The following ADGRG1 variants were observed in gnomAD, a reference collection of about 807,000 sequenced individuals.
ADGRG1 encodes 7-transmembrane protein with no EGF-like N-terminal domains-1.
In ADGRG1, 53 loss-of-function variants were observed where a neutral mutation model predicts 73.5. That is an observed-to-expected ratio of 0.72 (90% CI 0.58 to 0.91). ADGRG1 has a LOEUF of 0.91. Among genes scored for constraint, ADGRG1 ranks in the 40% least tolerant of loss-of-function variants. The pLI is 0.00. For missense variants in ADGRG1, 795 were observed against 871.8 expected (o/e 0.91, Z 1.11); for synonymous variants, 394 against 374.4 (o/e 1.05, Z -0.60).
chr16:57,652,112 G>A (rs934849807), intron 3 of ADGRG1: 24 of 1,045,308 alleles, frequency 2.3e-5, no homozygotes, highest in Non-Finnish European at 2.8e-5. Context: ...TTTGAACCCA[G>A]CAGCTGATTG....
At chr16:57,624,355 G>C (rs2035433792), upstream of ADGRG1, 1 of 157,874 alleles carries the variant, frequency 6.3e-6, no homozygotes, top group Admixed American at 6.5e-5. Flanking sequence ...ACAAAAGTTA[G>C]CCTGGTGTGG....
At chr16:57,643,638 C>G in intron 1 of ADGRG1, 2 of 984,706 alleles carry the variant, frequency 2.0e-6, no homozygotes, top group Middle Eastern at 5.2e-4. Context: ...GGCCTGGGCA[C>G]CTGCCAGCCT....
At position 57,656,244 on chromosome 16, in the gene ADGRG1, T is replaced by A. The variant is rs121908463; in HGVS notation, c.1036T>A (p.Cys346Ser). 6.2e-7 allele frequency: 1 copy of A among 1,607,204 alleles called. No individual in the cohort carries two copies. The highest frequency in any genetic ancestry group is 1.7e-4 in the Middle Eastern group (1 of 6,038). The change falls in exon 8 of 14, where the codon TGT becomes AGT. Residue 346 changes from cysteine (C) to serine (S), a missense_variant. Transcript: ENST00000562631. ...QLQPKNVTLQ[C>S]VFWVEDPTLS... ...CCTACAGAAGAATGTGACTCTGCAA[T>A]GTGTGTTCTGGGTTGAAGACCCCAC...
chr16:57,650,667 A>G (rs1351487417), intron 2 of ADGRG1, among the ~76,000 whole-genome samples: 1 of 151,482 alleles, frequency 6.6e-6, no homozygotes, highest in African/African-American at 2.4e-5. Context: ...GCTGTTAAAA[A>G]TATGTTTTCC....
At chr16:57,627,887 TCTGAGCTTTTGGGGCCA>T, upstream of ADGRG1, 1 of 975,270 alleles carries the variant, frequency 1.0e-6, no homozygotes, top group African/African-American at 1.7e-5. Context: ...CACTTCTCTG[TCTGAGCTTTTGGGGCCA>T]CTGGGAATGG....
At position 57,660,890 on chromosome 16, in the gene ADGRG1, T is replaced by C; in HGVS notation, c.1664+14T>C. The C allele has an allele frequency of 6.9e-7, 1 of 1,441,792 alleles. No homozygotes were observed. Among genetic ancestry groups the C allele is most frequent in the African/African-American group, 1.4e-5 (1 of 71,682 alleles). 89.3% of individuals were successfully genotyped at this position (1,441,792 alleles called of 1,614,324 possible). On this transcript the variant is annotated intron_variant, in intron 12 of 13. Coordinates refer to ENST00000562631, the MANE Select transcript of ADGRG1 (RefSeq NM_201525.4). Reference sequence around the variant, plus strand: ...CTACCCTTCCATGTGAGTGGCTGTGTGCAATGGGGGCAAGAAGGTGGGTCT... The same window carrying C: ...CTACCCTTCCATGTGAGTGGCTGTGCGCAATGGGGGCAAGAAGGTGGGTCT...
rs8054093 is a variant in ADGRG1, at chr16:57,653,802, A to C, written c.621-184A>C. On this transcript the variant is annotated intron_variant, in intron 4 of 13. Transcript: ENST00000562631. Reference sequence around the variant, plus strand: ...CTCATTCTTTCTCTCCCACACGCAGATGCCTGCTTTTCTCTTTTGTCTGCT... The same window carrying C: ...CTCATTCTTTCTCTCCCACACGCAGCTGCCTGCTTTTCTCTTTTGTCTGCT... 0.59 allele frequency: 575,771 copies of C among 983,654 alleles called. 171,413 individuals carry two copies. The highest frequency in any genetic ancestry group is 0.88 in the African/African-American group (50,697 of 57,312). The allele number at this position is 983,654 out of a possible 1,614,324, so 60.9% of individuals were successfully genotyped here.
chr16:57,622,683 A>G, intron 2 of ADGRG1: 2 of 734,430 alleles, frequency 2.7e-6, no homozygotes, highest in South Asian at 1.2e-4. Context: ...GGCCAGAATG[A>G]CCTGTTCTGG....
intron 13 of ADGRG1, 85 bp downstream of exon 13, chr16:57,662,050 A>G (rs1173938249): frequency 3.6e-6 from 4 of 1,097,398 alleles, no homozygotes. Context: ...GGGAACCTGA[A>G]GACTTCCCTT....
upstream of ADGRG1, among the ~76,000 whole-genome samples, chr16:57,626,366 C>G (rs1253084930): frequency 6.6e-6 from 1 of 152,194 alleles, no homozygotes; most frequent in African/African-American, 2.4e-5. Context: ...TTGTGTTTAA[C>G]AAGTCATTGA....
upstream of ADGRG1, among the ~76,000 whole-genome samples, chr16:57,626,343 A>T (rs144706851): frequency 3.3e-5 from 5 of 152,336 alleles, no homozygotes; most frequent in Non-Finnish European, 5.9e-5. Flanking sequence ...ATCAGCACTC[A>T]TAACAGATAG....
rs1205647916 is a variant in ADGRG1, at chr16:57,651,429, T to C, written c.294T>C (p.Ala98=). Residue 98 remains alanine (A), a synonymous_variant, in exon 3 of 14, where the codon GCT becomes GCC. Coordinates refer to ENST00000562631, the MANE Select transcript of ADGRG1 (RefSeq NM_201525.4). The stretch of plus-strand genomic sequence containing the variant: ...TCTGCCTCTACTGGAACCGACATGC[T>C]GGGAGATTACATCTTCTCTATGGCA... ...YHFCLYWNRH[A]GRLHLLYGKR... The C allele has an allele frequency of 6.2e-7, 1 of 1,614,202 alleles. No homozygotes were observed. Among genetic ancestry groups the C allele is most frequent in the Non-Finnish European group, 8.5e-7 (1 of 1,180,022 alleles).
chr16:57,636,772 C>T (rs1356038907), intron 1 of ADGRG1: 1 of 878,118 alleles, frequency 1.1e-6, no homozygotes, highest in Non-Finnish European at 1.4e-6. Context: ...AGGCACTGTG[C>T]TAGGTACTGG....
chr16:57,660,584 C>T, intron 11 of ADGRG1, 184 bp from the exon 12 acceptor site: 1 of 888,344 alleles, frequency 1.1e-6, no homozygotes, highest in Non-Finnish European at 1.3e-6. Context: ...TTATAGGAAA[C>T]CCATACTGGA....
upstream of ADGRG1, chr16:57,624,627 T>G: frequency 1.9e-6 from 1 of 517,334 alleles, no homozygotes; most frequent in Non-Finnish European, 2.5e-6. Context: ...GGCCAGAGGG[T>G]TAGAGATAGA....
chr16:57,631,945 T>C, intron 1 of ADGRG1: 1 of 976,608 alleles, frequency 1.0e-6, no homozygotes, highest in Non-Finnish European at 1.2e-6. Context: ...TTCTGACCAC[T>C]GCCCAGTGCC....
chr16:57,644,537 G>GCAGGCACACACATGCA (rs2041862266), intron 1 of ADGRG1, among the ~76,000 whole-genome samples: 1 of 110,000 alleles, frequency 9.1e-6, no homozygotes, highest in Non-Finnish European at 1.8e-5. Flanking sequence ...ACACACATGC[G>GCAGGCACACACATGCA]CAGGCACACA....
At position 57,662,206 on chromosome 16, in the gene ADGRG1, G is replaced by T. The variant is rs140806866; in HGVS notation, c.1933+241G>T. Among the ~76,000 whole-genome samples the T allele has an allele frequency of 4.9e-3, 739 of 152,256 alleles. 10 individuals are homozygous for T. Among genetic ancestry groups the T allele is most frequent in the African/African-American group, 0.017 (708 of 41,502 alleles). On this transcript the variant is annotated intron_variant, in intron 13 of 13. Transcript: ENST00000562631. ...GGTTGGGTGTGGGCCTTGTTCTTTT[G>T]GAACTCAGCTCTACTGGGGAAGACT...
chr16:57,652,135 G>T, intron 3 of ADGRG1: 1 of 1,034,382 alleles, frequency 9.7e-7, no homozygotes, highest in Non-Finnish European at 1.2e-6. Context: ...GTGGGGTAGG[G>T]GTGAGGGGCG....
Sources: gnomAD v4.1 joint callset for allele counts (sites outside exome capture counted in the v4.1 genomes callset) on GRCh38, gnomAD v4.1.1 for gene constraint, MANE v1.5 for transcripts, NCBI Gene and HGNC (gene_info 2026-07-23, HGNC 2026-07-21) for gene names.